R3HCC1L: variants seen among roughly 807,000 people sequenced by gnomAD.
R3HCC1L encodes the protein R3H domain and coiled-coil containing 1 like, also known as coiled-coil domain-containing protein R3HCC1L.
A neutral mutation model predicts 59.9 loss-of-function variants in R3HCC1L; 51 were observed. The ratio of observed to expected loss-of-function variants is 0.85; its 90% confidence interval spans 0.68 to 1.07. The LOEUF is 1.07. Among genes scored for constraint, R3HCC1L ranks in the 50% least tolerant of loss-of-function variants. R3HCC1L has a pLI of 0.00. For synonymous variants in R3HCC1L, 322 were observed against 315.2 expected (o/e 1.02, Z -0.23); for missense variants, 965 against 933.0 (o/e 1.03, Z -0.45).
intron 4 of R3HCC1L, among the ~76,000 whole-genome samples, chr10:98,195,316 A>G (rs529776576): frequency 6.6e-6 from 1 of 152,286 alleles, no homozygotes; most frequent in Non-Finnish European, 1.5e-5. Context: ...GAAATGAGGA[A>G]TTGTTCAGTG....
At chr10:98,234,340 G>A (rs1001105055) in intron 6 of R3HCC1L, 106 bp from the exon 7 acceptor site, 4 of 995,542 alleles carry the variant, frequency 4.0e-6, no homozygotes, top group South Asian at 1.4e-5. Context: ...CTGTGCACTC[G>A]TTGAGTGTTT....
At chr10:98,199,958 T>C (rs1851860104) in intron 4 of R3HCC1L, among the ~76,000 whole-genome samples, 1 of 152,116 alleles carries the variant, frequency 6.6e-6, no homozygotes, top group Non-Finnish European at 1.5e-5. Flanking sequence ...GCATTTGTTA[T>C]ATAAAATAGA....
At chr10:98,236,435 C>T (rs1856970766) in intron 9 of R3HCC1L, among the ~76,000 whole-genome samples, 1 of 152,092 alleles carries the variant, frequency 6.6e-6, no homozygotes, top group African/African-American at 2.4e-5. Context: ...ATGGCTTTTC[C>T]TACAGTTTTT....
chr10:98,231,396 A>T (rs1270627633), intron 5 of R3HCC1L, 116 bp from the exon 6 acceptor site: 1 of 953,328 alleles, frequency 1.0e-6, no homozygotes, highest in South Asian at 1.6e-5. Flanking sequence ...ACTATGCCAA[A>T]GGTTGAGGAA....
At chr10:98,152,187 G>A (rs1323459837) in intron 1 of R3HCC1L, among the ~76,000 whole-genome samples, 1 of 152,238 alleles carries the variant, frequency 6.6e-6, no homozygotes, top group African/African-American at 2.4e-5. Flanking sequence ...GCTCCTAACC[G>A]CGAGTGGTCC....
intron 4 of R3HCC1L, among the ~76,000 whole-genome samples, chr10:98,192,155 TGA>T (rs1850932731): frequency 6.6e-6 from 1 of 152,022 alleles, no homozygotes; most frequent in South Asian, 2.1e-4. Flanking sequence ...CATATGTGTA[TGA>T]GTCTGTTTAC....
chr10:98,244,059 A>G (rs745792666), intron 9 of R3HCC1L, 32 bp from the exon 10 acceptor site: 22 of 1,600,910 alleles, frequency 1.4e-5, no homozygotes, highest in Admixed American at 3.3e-5. Context: ...TATGAAGTAG[A>G]CAACTGTGGT....
At chr10:98,177,600 C>T (rs534705957) in intron 4 of R3HCC1L, among the ~76,000 whole-genome samples, 12 of 152,240 alleles carry the variant, frequency 7.9e-5, no homozygotes, top group Middle Eastern at 3.4e-3. Context: ...CTTGAGGAGT[C>T]GCCACACTGT....
intron 5 of R3HCC1L, among the ~76,000 whole-genome samples, chr10:98,215,793 C>CA (rs1166841085): frequency 1.3e-5 from 2 of 152,094 alleles, no homozygotes; most frequent in African/African-American, 4.8e-5. Flanking sequence ...GTCCTAATGT[C>CA]AGTGTTGTTA....
Position 98,208,279 on chromosome 10 carries a change from T to C in R3HCC1L, c.165T>C (p.Ser55=). Residue 55 remains serine (S), a synonymous_variant, in exon 5 of 10, where the codon TCT becomes TCC. Transcript: ENST00000298999. The part of the protein sequence containing the change: ...SVVKEKQKES[S]LSQKEVFKDK... ...TGAAAGAAAAGCAAAAAGAAAGTTC[T>C]CTCTCCCAAAAAGAAGTCTTTAAAG... The C allele has an allele frequency of 6.2e-7, 1 of 1,613,870 alleles. No homozygotes were observed. Among genetic ancestry groups the C allele is most frequent in the Admixed American group, 1.7e-5 (1 of 59,976 alleles).
At chr10:98,244,032 G>A in intron 9 of R3HCC1L, 59 bp from the exon 10 acceptor site, 1 of 1,508,640 alleles carries the variant, frequency 6.6e-7, no homozygotes, top group South Asian at 1.1e-5. Flanking sequence ...TTTGGATTAA[G>A]GGAAAGTCAT....
At chr10:98,222,568 TA>T (rs946862748) in intron 5 of R3HCC1L, among the ~76,000 whole-genome samples, 1 of 152,132 alleles carries the variant, frequency 6.6e-6, no homozygotes, top group African/African-American at 2.4e-5. Flanking sequence ...ATACCTAATT[TA>T]TTGGGAGTTT....
chr10:98,207,941 T>C (rs1370057646), intron 4 of R3HCC1L, among the ~76,000 whole-genome samples, 160 bp from the exon 5 acceptor site: 2 of 152,164 alleles, frequency 1.3e-5, no homozygotes, highest in South Asian at 2.1e-4. Context: ...GAAGGATCGC[T>C]TGAGCCTGGA....
At chr10:98,140,077 C>G (rs1844996647) in intron 1 of R3HCC1L, among the ~76,000 whole-genome samples, 1 of 151,736 alleles carries the variant, frequency 6.6e-6, no homozygotes, top group Non-Finnish European at 1.5e-5. Flanking sequence ...GTGTAGCACT[C>G]CTTAATATCA....
intron 4 of R3HCC1L, among the ~76,000 whole-genome samples, chr10:98,173,927 C>A (rs959475877): frequency 1.1e-4 from 17 of 152,288 alleles, no homozygotes; most frequent in African/African-American, 4.1e-4. Context: ...AGAGAAGTGT[C>A]TGTGAGCTGC....
At chr10:98,198,696 A>G (rs1451929493) in intron 4 of R3HCC1L, among the ~76,000 whole-genome samples, 1 of 152,138 alleles carries the variant, frequency 6.6e-6, no homozygotes, top group Non-Finnish European at 1.5e-5. Flanking sequence ...ATCATTATGA[A>G]CTAAAGTGTT....
At chr10:98,241,006 T>C (rs546731555) in intron 9 of R3HCC1L, among the ~76,000 whole-genome samples, 1 of 152,346 alleles carries the variant, frequency 6.6e-6, no homozygotes, top group East Asian at 1.9e-4. Flanking sequence ...AATACATTGA[T>C]AATTATTCTA....
At chr10:98,211,584 G>A (rs1440263142) in intron 5 of R3HCC1L, among the ~76,000 whole-genome samples, 1 of 152,146 alleles carries the variant, frequency 6.6e-6, no homozygotes, top group African/African-American at 2.4e-5. Context: ...GACTGCATGA[G>A]GAATAGAGAG....
chr10:98,187,294 T>C (rs981079942), intron 4 of R3HCC1L, among the ~76,000 whole-genome samples: 1 of 152,146 alleles, frequency 6.6e-6, no homozygotes, highest in Non-Finnish European at 1.5e-5. Context: ...CAGTGTTCAT[T>C]TCCTTTGAGT....
Sources: allele counts gnomAD v4.1 joint callset (sites outside exome capture counted in the v4.1 genomes callset), GRCh38; gene constraint gnomAD v4.1.1; transcripts MANE v1.5; gene names NCBI Gene and HGNC (gene_info 2026-07-23, HGNC 2026-07-21).